ADAMTS6: variants seen among roughly 807,000 people sequenced by gnomAD.
ADAMTS6 encodes the protein ADAM metallopeptidase with thrombospondin type 1 motif 6.
ADAMTS6 carries 23 observed loss-of-function variants against 144.3 expected under a neutral mutation model. The ratio of observed to expected loss-of-function variants is 0.16; its 90% CI spans 0.11 to 0.23. The LOEUF is 0.23. ADAMTS6 is among the 10% of genes least tolerant of loss of function. ADAMTS6 has a pLI of 1.00. For synonymous variants in ADAMTS6, 444 were observed against 457.5 expected (o/e 0.97, Z 0.38); for missense variants, 999 against 1,379.6 (o/e 0.72, Z 4.37).
chr5:65,244,015 T>TA (rs1376511441), intron 14 of ADAMTS6, among the ~76,000 whole-genome samples: 2 of 152,120 alleles, frequency 1.3e-5, no homozygotes, highest in African/African-American at 4.8e-5. Context: ...GACAGCATGT[T>TA]ACAGATTGTC....
At chr5:65,467,525 T>C (rs1047905713) in intron 3 of ADAMTS6, among the ~76,000 whole-genome samples, 2 of 152,134 alleles carry the variant, frequency 1.3e-5, no homozygotes, top group South Asian at 2.1e-4. Flanking sequence ...TGTGAATCAA[T>C]GCTAACTTTT....
intron 13 of ADAMTS6, 97 bp from the exon 14 acceptor site, chr5:65,260,760 C>CA (rs1761128740): frequency 4.9e-6 from 4 of 810,668 alleles, no homozygotes; most frequent in African/African-American, 3.5e-5. Flanking sequence ...AGTTTACTTT[C>CA]AAAAAATATA....
chr5:65,335,440 T>C (rs968775158), intron 7 of ADAMTS6, among the ~76,000 whole-genome samples: 4 of 152,164 alleles, frequency 2.6e-5, no homozygotes, highest in Non-Finnish European at 5.9e-5. Flanking sequence ...TCAATTTATC[T>C]TGCAACATAG....
At chr5:65,336,071 C>T (rs1373669486) in intron 7 of ADAMTS6, among the ~76,000 whole-genome samples, 1 of 152,022 alleles carries the variant, frequency 6.6e-6, no homozygotes, top group East Asian at 1.9e-4. Flanking sequence ...GAATGCTAAA[C>T]CAGATTTGTT....
chr5:65,266,070 TAGTC>T (rs1761607327), intron 12 of ADAMTS6, among the ~76,000 whole-genome samples: 1 of 151,662 alleles, frequency 6.6e-6, no homozygotes, highest in Non-Finnish European at 1.5e-5. Flanking sequence ...AGAGAAAAAA[TAGTC>T]AGGTTTTTTC....
chr5:65,334,181 C>T, intron 7 of ADAMTS6, 96 bp from the exon 8 acceptor site: 1 of 1,294,108 alleles, frequency 7.7e-7, no homozygotes, highest in Non-Finnish European at 1.1e-6. Context: ...TGTCAGACCA[C>T]AATTAATGCA....
chr5:65,446,794 A>T (rs977139166), intron 7 of ADAMTS6, among the ~76,000 whole-genome samples: 2 of 152,184 alleles, frequency 1.3e-5, no homozygotes, highest in East Asian at 3.8e-4. Flanking sequence ...GTTGCTTACG[A>T]CTAGGGTAGG....
intron 7 of ADAMTS6, among the ~76,000 whole-genome samples, chr5:65,423,521 T>C (rs866829850): frequency 6.6e-6 from 1 of 152,242 alleles, no homozygotes; most frequent in Middle Eastern, 3.4e-3. Flanking sequence ...CTATTCCCCT[T>C]TAATATCTAT....
chr5:65,216,018 G>A (rs1052476714), intron 18 of ADAMTS6, among the ~76,000 whole-genome samples: 1 of 151,838 alleles, frequency 6.6e-6, no homozygotes, highest in Non-Finnish European at 1.5e-5. Context: ...CTATTCTTTT[G>A]GCAAAAAAAT....
intron 24 of ADAMTS6, among the ~76,000 whole-genome samples, chr5:65,169,687 CA>C (rs2112063015): frequency 6.6e-6 from 1 of 151,066 alleles, no homozygotes; most frequent in Admixed American, 6.6e-5. Flanking sequence ...ACATATACAC[CA>C]TGGAATACTA....
chr5:65,477,150 C>T (rs1760896318), intron 1 of ADAMTS6, among the ~76,000 whole-genome samples: 1 of 152,126 alleles, frequency 6.6e-6, no homozygotes, highest in African/African-American at 2.4e-5. Context: ...TACTCTAAAC[C>T]TTCCCATGTA....
chr5:65,382,221 G>A (rs1752105581), intron 7 of ADAMTS6, among the ~76,000 whole-genome samples: 1 of 152,130 alleles, frequency 6.6e-6, no homozygotes, highest in Non-Finnish European at 1.5e-5. Flanking sequence ...AGAAAGTAAG[G>A]CATATCTGCA....
intron 24 of ADAMTS6, among the ~76,000 whole-genome samples, chr5:65,160,463 C>T (rs1403839694): frequency 1.3e-5 from 2 of 151,474 alleles, no homozygotes; most frequent in African/African-American, 4.9e-5. Context: ...CCCACCACCA[C>T]GCCCGGCTAA....
chr5:65,175,700 C>G (rs1178094464), intron 22 of ADAMTS6, among the ~76,000 whole-genome samples: 1 of 150,598 alleles, frequency 6.6e-6, no homozygotes, highest in Non-Finnish European at 1.5e-5. Context: ...CAGAAGTATC[C>G]TAAGGAAAAA....
intron 11 of ADAMTS6, among the ~76,000 whole-genome samples, chr5:65,287,260 C>T (rs957841972): frequency 6.6e-6 from 1 of 152,070 alleles, no homozygotes; most frequent in Admixed American, 6.6e-5. Flanking sequence ...GAAGGTCCCC[C>T]GACCACCTCT....
rs1758852906 is a variant in ADAMTS6, at chr5:65,452,778, C to T, written c.772G>A (p.Ala258Thr). Residue 258 changes from alanine to threonine, a missense_variant, in exon 5 of 25, where the codon GCA becomes ACA. Coordinates refer to ENST00000381055, the MANE Select transcript of ADAMTS6 (RefSeq NM_197941.4). ...TGGTAGCCCACCATCATTTTGTCTG[C>T]CACTACCAATGTCTCCACAAACCGT... is the stretch of plus-strand genomic sequence containing the variant. ...IERFVETLVV[A>T]DKMMVGYHGR... 1 of 1,613,976 alleles carries T rather than the reference C, an allele frequency of 6.2e-7. No individual in the cohort carries two copies. Among genetic ancestry groups the T allele is most frequent in the Non-Finnish European group, 8.5e-7 (1 of 1,179,962 alleles).
chr5:65,398,842 AAG>A (rs758848044), intron 7 of ADAMTS6, among the ~76,000 whole-genome samples: 6 of 137,954 alleles, frequency 4.3e-5, no homozygotes, highest in African/African-American at 8.7e-5. Flanking sequence ...GAAAGAAAGA[AAG>A]AAAGAAAAAG....
intron 14 of ADAMTS6, among the ~76,000 whole-genome samples, chr5:65,258,776 G>A: frequency 6.6e-6 from 1 of 152,180 alleles, no homozygotes; most frequent in East Asian, 1.9e-4. Flanking sequence ...TTACATCTGA[G>A]ATGGGAAAAA....
chr5:65,275,416 A>AAAGAAAGAAAGAAAAG (rs1491241170), intron 11 of ADAMTS6, among the ~76,000 whole-genome samples: 1 of 136,986 alleles, frequency 7.3e-6, no homozygotes, highest in African/African-American at 2.8e-5. Flanking sequence ...AGAAAGAAAG[A>AAAGAAAGAAAGAAAAG]AAAGAAAGAA....
Sources: allele counts gnomAD v4.1 joint callset (sites outside exome capture counted in the v4.1 genomes callset), GRCh38; gene constraint gnomAD v4.1.1; transcripts MANE v1.5; gene names NCBI Gene and HGNC (gene_info 2026-07-23, HGNC 2026-07-21).